CIMIP1: variants seen among roughly 807,000 people sequenced by gnomAD.
The protein encoded by CIMIP1 is low in lung cancer 1.
At chr20:58,154,204 C>A in the CIMIP1 span, among the ~76,000 whole-genome samples, 2 of 152,228 alleles carry the variant, frequency 1.3e-5, no homozygotes, top group Non-Finnish European at 2.9e-5. Context: ...AAACAGGAGA[C>A]AGGGCCAAGC....
the CIMIP1 span, among the ~76,000 whole-genome samples, chr20:58,157,971 T>C: frequency 0.067 from 10,193 of 152,194 alleles, 1,149 homozygotes; most frequent in African/African-American, 0.23. Flanking sequence ...ATCTGCTTAG[T>C]GTCTATAATG....
chr20:58,160,852 G>A, the CIMIP1 span: 4 of 1,591,288 alleles, frequency 2.5e-6, no homozygotes, highest in Non-Finnish European at 2.6e-6. Context: ...CAGGGGTGCT[G>A]CATATCGGTC....
the CIMIP1 span, among the ~76,000 whole-genome samples, chr20:58,156,353 G>A: frequency 2.0e-5 from 3 of 152,266 alleles, no homozygotes; most frequent in East Asian, 1.9e-4. Context: ...TCTAGGCGCA[G>A]GGAACAGCAT....
chr20:58,158,818 C>T, the CIMIP1 span, among the ~76,000 whole-genome samples: 1 of 152,232 alleles, frequency 6.6e-6, no homozygotes, highest in Admixed American at 6.5e-5. Context: ...CCTGGAGCCA[C>T]TGTCACCCAT....
chr20:58,156,175 A>T, the CIMIP1 span, among the ~76,000 whole-genome samples: 1 of 152,172 alleles, frequency 6.6e-6, no homozygotes, highest in African/African-American at 2.4e-5. Flanking sequence ...GGTCTAGAGA[A>T]CCAACATTAA....
At chr20:58,160,793 C>T in the CIMIP1 span, 3 of 1,613,342 alleles carry the variant, frequency 1.9e-6, no homozygotes, top group Non-Finnish European at 1.7e-6. Flanking sequence ...TGCACGAGAG[C>T]TGTGCTGGCC....
the CIMIP1 span, among the ~76,000 whole-genome samples, chr20:58,151,956 G>C: frequency 6.6e-6 from 1 of 152,134 alleles, no homozygotes; most frequent in Non-Finnish European, 1.5e-5. Context: ...TACAGATTTA[G>C]ATATAAGTAA....
At chr20:58,153,150 G>C in the CIMIP1 span, among the ~76,000 whole-genome samples, 1 of 152,170 alleles carries the variant, frequency 6.6e-6, no homozygotes, top group Admixed American at 6.5e-5. Flanking sequence ...CCACGTCAAG[G>C]TCATGCAGAC....
the CIMIP1 span, among the ~76,000 whole-genome samples, chr20:58,154,757 C>T: frequency 3.9e-5 from 6 of 152,186 alleles, no homozygotes; most frequent in East Asian, 1.2e-3. Flanking sequence ...TGGACGCTCT[C>T]CTCTAATATT....
chr20:58,155,241 C>A, the CIMIP1 span, among the ~76,000 whole-genome samples: 1 of 152,238 alleles, frequency 6.6e-6, no homozygotes, highest in Non-Finnish European at 1.5e-5. Flanking sequence ...TGCAGCAGGC[C>A]TGCGTTGAGG....
the CIMIP1 span, among the ~76,000 whole-genome samples, chr20:58,153,048 TTAGATA>T: frequency 6.6e-6 from 1 of 152,100 alleles, no homozygotes; most frequent in African/African-American, 2.4e-5. Context: ...TCATGGGTAG[TTAGATA>T]TAAACAATAT....
At chr20:58,158,800 T>G in the CIMIP1 span, among the ~76,000 whole-genome samples, 1 of 152,184 alleles carries the variant, frequency 6.6e-6, no homozygotes, top group Non-Finnish European at 1.5e-5. Context: ...CCTCCCTCCC[T>G]CTGGACCCCT....
the CIMIP1 span, chr20:58,153,681 A>T: frequency 8.0e-7 from 1 of 1,243,396 alleles, no homozygotes; most frequent in South Asian, 1.2e-5. Flanking sequence ...TCAAAGAATG[A>T]ATGATTACAA....
chr20:58,153,574 A>G, the CIMIP1 span: 3 of 1,614,214 alleles, frequency 1.9e-6, no homozygotes, highest in Non-Finnish European at 2.5e-6. Flanking sequence ...AATCGGAAGC[A>G]CGGCAGAACT....
At chr20:58,154,821 T>C in the CIMIP1 span, among the ~76,000 whole-genome samples, 5 of 152,206 alleles carry the variant, frequency 3.3e-5, no homozygotes, top group Admixed American at 6.5e-5. Flanking sequence ...TGTTTGTTGT[T>C]GTTTGAGACA....
the CIMIP1 span, chr20:58,153,697 A>T: frequency 8.9e-7 from 1 of 1,129,600 alleles, no homozygotes; most frequent in Non-Finnish European, 1.3e-6. Flanking sequence ...TACAAAGTCT[A>T]TCACTTGCAA....
the CIMIP1 span, among the ~76,000 whole-genome samples, chr20:58,156,713 C>T: frequency 2.8e-4 from 43 of 152,304 alleles, 1 homozygote; most frequent in South Asian, 3.7e-3. Context: ...GCCTGCACCA[C>T]GGCGGACATG....
chr20:58,160,667 C>T, the CIMIP1 span: 6 of 1,613,258 alleles, frequency 3.7e-6, no homozygotes, highest in Middle Eastern at 1.7e-4. Flanking sequence ...CCAGGTCTTT[C>T]CATCCCCCCC....
chr20:58,151,585 T>C, the CIMIP1 span, among the ~76,000 whole-genome samples: 6 of 152,214 alleles, frequency 3.9e-5, no homozygotes, highest in South Asian at 1.2e-3. Context: ...GCTAATGTTT[T>C]TGTATTTTTA....
Sources: allele counts gnomAD v4.1 joint callset (sites outside exome capture counted in the v4.1 genomes callset), GRCh38; gene constraint gnomAD v4.1.1; transcripts MANE v1.5; gene names NCBI Gene and HGNC (gene_info 2026-07-23, HGNC 2026-07-21).